LRFN5: variants seen among roughly 807,000 people sequenced by gnomAD.
The protein encoded by LRFN5 is leucine rich repeat and fibronectin type III domain containing 5, also known as leucine-rich repeat and fibronectin type-III domain-containing protein 5.
LRFN5 carries 24 observed loss-of-function variants against 45.6 expected under a neutral mutation model. The observed-to-expected ratio is 0.53, with a 90% CI of 0.38 to 0.74. The LOEUF is 0.74. LRFN5 is among the 30% of genes least tolerant of loss of function. LRFN5 has a pLI of 0.00. For missense variants in LRFN5, 776 were observed against 861.5 expected (o/e 0.90, Z 1.24); for synonymous variants, 340 against 313.8 (o/e 1.08, Z -0.88).
intron 2 of LRFN5, among the ~76,000 whole-genome samples, chr14:41,851,295 A>ATG (rs372081065): frequency 4.3e-4 from 5 of 11,570 alleles, no homozygotes; most frequent in African/African-American, 4.0e-3. Context: ...CAATACTAAC[A>ATG]TGAATTACAT....
At chr14:41,754,192 C>T (rs530479934) in intron 1 of LRFN5, among the ~76,000 whole-genome samples, 3 of 152,174 alleles carry the variant, frequency 2.0e-5, no homozygotes, top group South Asian at 4.2e-4. Flanking sequence ...ATTTTTGCAT[C>T]GATGTTCATC....
intron 2 of LRFN5, among the ~76,000 whole-genome samples, chr14:41,788,939 C>T (rs532597399): frequency 6.6e-5 from 10 of 152,020 alleles, no homozygotes; most frequent in Non-Finnish European, 8.8e-5. Flanking sequence ...CAACTAAGAA[C>T]TTGAAAGGGT....
chr14:41,846,274 A>G (rs1889062619), intron 2 of LRFN5, among the ~76,000 whole-genome samples: 2 of 152,042 alleles, frequency 1.3e-5, no homozygotes, highest in South Asian at 4.1e-4. Context: ...ACTCCTAGGT[A>G]TGAACTCAAC....
At chr14:41,738,201 A>C (rs1884529484) in intron 1 of LRFN5, among the ~76,000 whole-genome samples, 1 of 152,298 alleles carries the variant, frequency 6.6e-6, no homozygotes, top group East Asian at 1.9e-4. Flanking sequence ...ACACATCTAC[A>C]ACCGTCTGAC....
rs1233691443 is a variant in LRFN5 at position 41,904,199 on chromosome 14, C to A, written c.*24C>A. On this transcript the variant is annotated 3_prime_UTR_variant, in exon 6 of 6. Transcript: ENST00000298119. The stretch of plus-strand genomic sequence containing the variant: ...GAAGAGCACCACTTCTCCTCTCTCT[C>A]CTGAAAAAATTTGCCACTGATATTT... 1.2e-6 allele frequency: 2 copies of A among 1,609,280 alleles called. No homozygotes were observed. The highest frequency in any genetic ancestry group is 1.1e-5 in the South Asian group (1 of 90,788).
intron 1 of LRFN5, among the ~76,000 whole-genome samples, chr14:41,649,074 A>C (rs1254567981): frequency 6.6e-6 from 1 of 152,152 alleles, no homozygotes; most frequent in Non-Finnish European, 1.5e-5. Flanking sequence ...TCTACTAAAA[A>C]AATACAAAAA....
At chr14:41,760,070 C>G (rs973320560) in intron 1 of LRFN5, among the ~76,000 whole-genome samples, 2 of 152,154 alleles carry the variant, frequency 1.3e-5, no homozygotes, top group Non-Finnish European at 2.9e-5. Flanking sequence ...CTGACCTTAT[C>G]AGATTTTTAC....
intron 1 of LRFN5, among the ~76,000 whole-genome samples, chr14:41,660,058 C>T (rs1386726984): frequency 6.6e-6 from 1 of 151,932 alleles, no homozygotes; most frequent in African/African-American, 2.4e-5. Context: ...CAGAGTTTCT[C>T]CCTGGTTCCC....
At chr14:41,842,057 A>G (rs1334311159) in intron 2 of LRFN5, among the ~76,000 whole-genome samples, 1 of 152,002 alleles carries the variant, frequency 6.6e-6, no homozygotes, top group African/African-American at 2.4e-5. Context: ...CAGTGATGTC[A>G]CAATGAATAT....
chr14:41,856,720 A>G, intron 2 of LRFN5, among the ~76,000 whole-genome samples: 1 of 81,882 alleles, frequency 1.2e-5, no homozygotes, highest in South Asian at 4.3e-4. Flanking sequence ...TCTGTCGCCC[A>G]GGCAGGAGTG....
intron 1 of LRFN5, among the ~76,000 whole-genome samples, chr14:41,737,479 A>G (rs1388281782): frequency 2.0e-5 from 3 of 152,136 alleles, no homozygotes; most frequent in Non-Finnish European, 4.4e-5. Context: ...CCTATTCAAC[A>G]TAGTATTGGA....
At chr14:41,823,213 A>G (rs1888183145) in intron 2 of LRFN5, among the ~76,000 whole-genome samples, 1 of 151,964 alleles carries the variant, frequency 6.6e-6, no homozygotes, top group Admixed American at 6.6e-5. Flanking sequence ...GTATACGTGT[A>G]TGTGCTATAT....
rs1887499007 is a variant in LRFN5 at position 41,805,590 on chromosome 14, T to G, written c.-21+38561T>G. On this transcript the variant is annotated intron_variant, in intron 2 of 5. Coordinates refer to ENST00000298119, the MANE Select transcript of LRFN5 (RefSeq NM_152447.5). Reference sequence around the variant, plus strand: ...CCACAGCAGTACCCAGAGTGTGATGTTCCCCTTCCTGTGTCCATGTGTTCT... The same window carrying G: ...CCACAGCAGTACCCAGAGTGTGATGGTCCCCTTCCTGTGTCCATGTGTTCT... Among the ~76,000 whole-genome samples the G allele has an allele frequency of 2.1e-5, 3 of 144,268 alleles. No homozygotes were observed. In the Admixed American group the frequency reaches 2.2e-4, roughly 11 times the overall value. 94.6% of individuals were successfully genotyped at this position (144,268 alleles called of 152,430 possible).
At chr14:41,846,521 A>G (rs1392903973) in intron 2 of LRFN5, among the ~76,000 whole-genome samples, 1 of 152,216 alleles carries the variant, frequency 6.6e-6, no homozygotes, top group Non-Finnish European at 1.5e-5. Context: ...TATACATACC[A>G]TTCAAAAACT....
intron 2 of LRFN5, among the ~76,000 whole-genome samples, chr14:41,802,165 CA>C (rs1270994662): frequency 6.6e-6 from 1 of 152,030 alleles, no homozygotes; most frequent in Non-Finnish European, 1.5e-5. Flanking sequence ...AAAGTTAAAG[CA>C]GTAAATATGG....
At chr14:41,700,195 A>G (rs989751964) in intron 1 of LRFN5, 2 of 152,080 alleles carry the variant, frequency 1.3e-5, no homozygotes, top group South Asian at 2.1e-4. Context: ...AGCACAGAAC[A>G]TAATTATGGA....
chr14:41,781,612 GAAAGAGA>G (rs1252997101), intron 2 of LRFN5, among the ~76,000 whole-genome samples: 1 of 84,402 alleles, frequency 1.2e-5, no homozygotes, highest in African/African-American at 6.1e-5. Flanking sequence ...AAGAAAGAAA[GAAAGAGA>G]AAGAAAGAAA....
intron 2 of LRFN5, among the ~76,000 whole-genome samples, chr14:41,778,068 AT>A (rs1048796187): frequency 2.7e-5 from 4 of 150,938 alleles, no homozygotes; most frequent in African/African-American, 9.7e-5. Flanking sequence ...ATATTTGATA[AT>A]TTTTAATAGT....
At chr14:41,827,995 T>C (rs1888354618) in intron 2 of LRFN5, among the ~76,000 whole-genome samples, 1 of 152,070 alleles carries the variant, frequency 6.6e-6, no homozygotes, top group Non-Finnish European at 1.5e-5. Flanking sequence ...AGGTTGTCCT[T>C]AATGTTGAGC....
Sources: allele counts gnomAD v4.1 joint callset (sites outside exome capture counted in the v4.1 genomes callset), GRCh38; gene constraint gnomAD v4.1.1; transcripts MANE v1.5; gene names NCBI Gene and HGNC (gene_info 2026-07-23, HGNC 2026-07-21).